Variants in RORA observed in about 807,000 individuals in gnomAD.
The protein encoded by RORA is nuclear receptor ROR-alpha.
Under a neutral mutation model 69.5 loss-of-function variants are expected in RORA, and 7 were observed. The observed-to-expected ratio is 0.10, with a 90% CI of 0.06 to 0.19. The LOEUF (loss-of-function observed/expected upper bound fraction) is 0.19, where lower values mean the gene tolerates loss of function less well. RORA is among the 10% of genes least tolerant of loss of function. RORA has a pLI of 1.00. For synonymous variants in RORA, 261 were observed against 240.8 expected, an observed-to-expected ratio of 1.08 and a Z score of -0.78; for missense variants, 457 against 663.0, an observed-to-expected ratio of 0.69 and a Z score of 3.41.
chr15:60,556,780 C>T (rs1482583119), intron 2 of RORA: 2 of 1,163,140 alleles, frequency 1.7e-6, no homozygotes, highest in Non-Finnish European at 2.5e-6. Context: ...ATCTTTGATT[C>T]AAACCTCACT....
intron 3 of RORA, among the ~76,000 whole-genome samples, chr15:60,521,341 A>G (rs2066161150): frequency 6.6e-6 from 1 of 151,316 alleles, no homozygotes; most frequent in South Asian, 2.1e-4. Flanking sequence ...TCCTGGGTTC[A>G]AGTGATTCTC....
At chr15:60,568,287 G>A (rs1042824522) in intron 2 of RORA, among the ~76,000 whole-genome samples, 17 of 152,204 alleles carry the variant, frequency 1.1e-4, no homozygotes, top group African/African-American at 4.1e-4. Flanking sequence ...CCACAGAAAG[G>A]TGGAACAGCC....
At position 60,489,992 on chromosome 15, in the gene RORA, T is replaced by TATA. The variant is rs967047896; in HGVS notation, c.*7460_*7462dup. 7.2e-5 allele frequency: 11 copies of TATA among 152,066 alleles called. No homozygotes were observed. Among genetic ancestry groups the TATA allele is most frequent in the Non-Finnish European group, 1.5e-4 (10 of 67,988 alleles). 9.4% of individuals were successfully genotyped at this position (152,066 alleles called of 1,614,324 possible). ...TAATAAGTTTCCATATAGCCATATT[T>TATA]ATAAACAAATTCACCCTATAGATGT... On this transcript the variant is annotated 3_prime_UTR_variant, in exon 11 of 11. Coordinates refer to ENST00000335670, the MANE Select transcript of RORA (RefSeq NM_134261.3).
At chr15:61,040,852 T>C (rs1896730674) in intron 1 of RORA, among the ~76,000 whole-genome samples, 1 of 152,230 alleles carries the variant, frequency 6.6e-6, no homozygotes, top group South Asian at 2.1e-4. Context: ...TTTCAAAGGT[T>C]GTTTTTATTG....
chr15:61,116,073 A>C (rs2079047914), intron 1 of RORA, among the ~76,000 whole-genome samples: 1 of 141,340 alleles, frequency 7.1e-6, no homozygotes, highest in South Asian at 2.2e-4. Context: ...CACTTAAAAA[A>C]ACAAACAAAC....
chr15:61,115,867 T>C (rs116868644), intron 1 of RORA, among the ~76,000 whole-genome samples: 5,768 of 152,182 alleles, frequency 0.038, 174 homozygotes, highest in Middle Eastern at 0.11. Context: ...GGGCTTCCTT[T>C]AGGAGGTGAG....
At chr15:60,563,171 G>A (rs1403164367) in intron 2 of RORA, among the ~76,000 whole-genome samples, 4 of 152,102 alleles carry the variant, frequency 2.6e-5, no homozygotes, top group Admixed American at 2.6e-4. Flanking sequence ...TAAATATTCA[G>A]ACAAACATCC....
chr15:60,792,127 C>G (rs992658322), intron 1 of RORA, among the ~76,000 whole-genome samples: 2 of 151,872 alleles, frequency 1.3e-5, no homozygotes, highest in African/African-American at 4.8e-5. Flanking sequence ...AGATAGAAAT[C>G]CTAGAGTTGA....
At chr15:60,945,554 G>T (rs1350168891) in intron 1 of RORA, among the ~76,000 whole-genome samples, 3 of 152,100 alleles carry the variant, frequency 2.0e-5, no homozygotes, top group African/African-American at 7.2e-5. Context: ...ATTAGGGGAG[G>T]AAAACGGCTC....
intron 1 of RORA, among the ~76,000 whole-genome samples, chr15:60,996,707 G>A (rs537021217): frequency 2.6e-5 from 4 of 152,090 alleles, no homozygotes; most frequent in African/African-American, 9.6e-5. Flanking sequence ...TCAGGAGATC[G>A]AGACCATCCT....
intron 1 of RORA, among the ~76,000 whole-genome samples, chr15:60,747,888 G>T (rs1454136532): frequency 2.0e-5 from 3 of 152,126 alleles, no homozygotes; most frequent in Non-Finnish European, 4.4e-5. Flanking sequence ...ATGCTTCTTT[G>T]TTTCTAGGAC....
intron 2 of RORA, among the ~76,000 whole-genome samples, chr15:60,659,007 C>G (rs907969757): frequency 6.6e-6 from 1 of 152,176 alleles, no homozygotes; most frequent in South Asian, 2.1e-4. Flanking sequence ...TGTGTAAGCC[C>G]GAGGAGGAGG....
At chr15:60,561,052 TTG>T (rs1311638780) in intron 2 of RORA, among the ~76,000 whole-genome samples, 1 of 148,734 alleles carries the variant, frequency 6.7e-6, no homozygotes, top group Non-Finnish European at 1.5e-5. Flanking sequence ...AAGTTTTAAC[TTG>T]TGTTTTTTTT....
chr15:61,048,370 G>T (rs558517216), intron 1 of RORA, among the ~76,000 whole-genome samples: 1 of 152,326 alleles, frequency 6.6e-6, no homozygotes, highest in Admixed American at 6.5e-5. Context: ...CAGTGAGCCA[G>T]GCCTTCTGAG....
chr15:61,022,682 C>A (rs933113588), intron 1 of RORA, among the ~76,000 whole-genome samples: 6 of 152,096 alleles, frequency 3.9e-5, no homozygotes, highest in African/African-American at 9.7e-5. Flanking sequence ...ACCCCCTAGA[C>A]ACATTGTGGC....
chr15:60,760,397 T>C (rs1480185311), intron 1 of RORA, among the ~76,000 whole-genome samples: 2 of 152,198 alleles, frequency 1.3e-5, no homozygotes, highest in Non-Finnish European at 2.9e-5. Context: ...CTTTTAGCTA[T>C]GAATTTAGCT....
intron 2 of RORA, among the ~76,000 whole-genome samples, chr15:60,535,233 C>T (rs1270175773): frequency 6.6e-6 from 1 of 152,236 alleles, no homozygotes; most frequent in Non-Finnish European, 1.5e-5. Context: ...AGCCCACATA[C>T]ATATTCATCC....
chr15:60,594,130 A>G (rs1333232855), intron 2 of RORA, among the ~76,000 whole-genome samples: 1 of 152,250 alleles, frequency 6.6e-6, no homozygotes, highest in African/African-American at 2.4e-5. Flanking sequence ...AAGAAATTAT[A>G]AAAATGTGAA....
intron 1 of RORA, among the ~76,000 whole-genome samples, chr15:60,856,524 T>TA (rs887207663): frequency 1.3e-5 from 2 of 152,040 alleles, no homozygotes; most frequent in Non-Finnish European, 2.9e-5. Context: ...GAAGAGTCCT[T>TA]AGATATTATC....
Sources: allele counts gnomAD v4.1 joint callset (sites outside exome capture counted in the v4.1 genomes callset), GRCh38; gene constraint gnomAD v4.1.1; transcripts MANE v1.5; gene names NCBI Gene and HGNC (gene_info 2026-07-23, HGNC 2026-07-21).